CCNJ: variants seen among roughly 807,000 people sequenced by gnomAD.
CCNJ encodes the protein cyclin J.
In CCNJ, 12 loss-of-function variants were observed where a neutral mutation model predicts 41.4. The ratio of observed to expected loss-of-function variants is 0.29; its 90% CI spans 0.19 to 0.47. CCNJ has a LOEUF of 0.47. CCNJ is among the 20% of genes least tolerant of loss of function. The pLI, the probability that CCNJ is intolerant of heterozygous loss-of-function variation, is 1.00. For synonymous variants in CCNJ, 161 were observed against 173.4 expected (o/e 0.93, Z 0.56); for missense variants, 340 against 464.6 (o/e 0.73, Z 2.47).
At chr10:96,057,765 T>G in intron 5 of CCNJ, 65 bp from the exon 6 acceptor site, 1 of 1,492,012 alleles carries the variant, frequency 6.7e-7, no homozygotes, top group Non-Finnish European at 9.2e-7. Context: ...GGATGGGGCA[T>G]GATTTTCTTG....
intron 3 of CCNJ, among the ~76,000 whole-genome samples, chr10:96,053,732 G>A (rs964369225): frequency 6.6e-6 from 1 of 152,148 alleles, no homozygotes; most frequent in South Asian, 2.1e-4. Flanking sequence ...ACAAGTGCTT[G>A]TTTCCCCTTG....
intron 2 of CCNJ, among the ~76,000 whole-genome samples, chr10:96,046,546 C>T (rs1043583813): frequency 6.6e-6 from 1 of 152,196 alleles, no homozygotes; most frequent in Non-Finnish European, 1.5e-5. Context: ...AGAGCAATAA[C>T]AGTGAACGAG....
At chr10:96,053,346 T>G (rs1395195000) in intron 3 of CCNJ, among the ~76,000 whole-genome samples, 1 of 152,192 alleles carries the variant, frequency 6.6e-6, no homozygotes, top group Non-Finnish European at 1.5e-5. Context: ...ACAAAGTTGT[T>G]CTGGGATCAA....
intron 1 of CCNJ, among the ~76,000 whole-genome samples, 188 bp from the exon 2 acceptor site, chr10:96,044,165 T>C (rs1242937360): frequency 6.6e-6 from 1 of 152,234 alleles, no homozygotes; most frequent in Non-Finnish European, 1.5e-5. Flanking sequence ...CCTTCGGCTC[T>C]TCCTGCGGGG....
At chr10:96,049,473 T>C (rs2080458808) in intron 2 of CCNJ, among the ~76,000 whole-genome samples, 1 of 130,614 alleles carries the variant, frequency 7.7e-6, no homozygotes, top group Non-Finnish European at 1.6e-5. Flanking sequence ...TCTTTTCTTT[T>C]TCTTTTTCTT....
At chr10:96,051,994 C>T (rs2080538952) in intron 3 of CCNJ, among the ~76,000 whole-genome samples, 1 of 152,148 alleles carries the variant, frequency 6.6e-6, no homozygotes, top group African/African-American at 2.4e-5. Flanking sequence ...TCCCCATGTA[C>T]GTTGAGCAAA....
intron 3 of CCNJ, 98 bp from the exon 4 acceptor site, chr10:96,056,603 T>C: frequency 1.2e-6 from 1 of 855,914 alleles, no homozygotes; most frequent in Non-Finnish European, 1.8e-6. Flanking sequence ...TGGATCTAAA[T>C]CCTGGCAATA....
At position 96,058,937 on chromosome 10, in the gene CCNJ, G is replaced by A; in HGVS notation, c.*696G>A. On this transcript the variant is annotated 3_prime_UTR_variant, in exon 6 of 6. Coordinates refer to ENST00000465148, the MANE Select transcript of CCNJ (RefSeq NM_001134375.2). ...CTAAGTGATCAACATCAAATTTTTA[G>A]AATTAAAATACATTTAACTCAGGGA... 1 of 154,204 alleles carries A rather than the reference G, an allele frequency of 6.5e-6. No individual in the cohort carries two copies. 9.6% of individuals were successfully genotyped at this position (154,204 alleles called of 1,614,324 possible).
rs2080303957 is a variant in CCNJ at position 96,044,458 on chromosome 10, A to G, written c.65A>G (p.Tyr22Cys). 3 of 1,552,438 alleles carry G rather than the reference A, an allele frequency of 1.9e-6. No individual in the cohort carries two copies. Among genetic ancestry groups the G allele is most frequent in the East Asian group, 2.4e-5 (1 of 41,000 alleles). The change falls in exon 2 of 6, where the codon TAC becomes TGC. Residue 22 changes from tyrosine to cysteine, a missense_variant. By Grantham distance (194) the Tyr-to-Cys change is radical. This residue lies in a region of CCNJ where 44 missense variants were observed against 43.6 expected (regional missense o/e 1.01). Transcript: ENST00000465148. The part of the protein sequence containing the change: ...LAADIHQALR[Y>C]KELKLPSYKG... The stretch of plus-strand genomic sequence containing the variant: ...GCCGATATTCACCAAGCGCTTCGCT[A>G]CAAGGTAACTCCGAGGCCCGGCCTG...
rs2080710368 is a variant in CCNJ at position 96,056,897 on chromosome 10, A to G, written c.477A>G (p.Val159=). Residue 159 remains valine (V), a synonymous_variant, in exon 4 of 6, where the codon GTA becomes GTG. Coordinates refer to ENST00000465148, the MANE Select transcript of CCNJ (RefSeq NM_001134375.2). ...HFIEYYLSEA[V]HETDLHDGWP... ...TTGAGTATTATCTCTCTGAAGCAGT[A>G]CACGAAACAGATCTTCATGACGGCT... The G allele has an allele frequency of 6.2e-7, 1 of 1,614,194 alleles. No homozygotes were observed.
chr10:96,045,699 G>T (rs1311798791), intron 2 of CCNJ, among the ~76,000 whole-genome samples: 9 of 150,960 alleles, frequency 6.0e-5, no homozygotes, highest in African/African-American at 2.2e-4. Flanking sequence ...TTTTTTGGCA[G>T]ATGTCATCTT....
At position 96,060,858 on chromosome 10, in the gene CCNJ, G is replaced by C. The variant is rs1386335738; in HGVS notation, c.*2617G>C. The C allele has an allele frequency of 6.6e-6, 1 of 152,444 alleles. No homozygotes were observed. Among genetic ancestry groups the C allele is most frequent in the East Asian group, 1.9e-4 (1 of 5,200 alleles). The allele number at this position is 152,444 out of a possible 1,614,324, so 9.4% of individuals were successfully genotyped here. A position where few individuals can be genotyped will look rare whatever the true frequency, so the allele number is the denominator to read the frequency against. ...TGCACTTAATTTTAAAATAAAACTA[G>C]TTTTCAGTAAAATGGCTTCGGTATT... is the stretch of plus-strand genomic sequence containing the variant. On this transcript the variant is annotated 3_prime_UTR_variant, in exon 6 of 6. Transcript: ENST00000465148.
chr10:96,058,917 T>C lies in CCNJ; in HGVS notation c.*676T>C, dbSNP rs1168111980. The C allele has an allele frequency of 6.4e-6, 1 of 156,908 alleles. No homozygotes were observed. The highest frequency in any genetic ancestry group is 6.5e-5 in the Admixed American group (1 of 15,400). The allele number at this position is 156,908 out of a possible 1,614,324, so 9.7% of individuals were successfully genotyped here. The stretch of plus-strand genomic sequence containing the variant: ...CATAATTTTTCTTTTTTTCCCTAAG[T>C]GATCAACATCAAATTTTTAGAATTA... On this transcript the variant is annotated 3_prime_UTR_variant, in exon 6 of 6. Coordinates refer to ENST00000465148, the MANE Select transcript of CCNJ (RefSeq NM_001134375.2).
At chr10:96,050,940 G>A (rs2080503971) in intron 3 of CCNJ, among the ~76,000 whole-genome samples, 1 of 152,184 alleles carries the variant, frequency 6.6e-6, no homozygotes, top group Non-Finnish European at 1.5e-5. Flanking sequence ...AGAGGCCTGG[G>A]ATGCTGCTAA....
rs1163128122 is a variant in CCNJ, at chr10:96,059,944, A to AG, written c.*1706dup. 1.3e-5 allele frequency: 2 copies of AG among 152,654 alleles called. No homozygotes were observed. The highest frequency in any genetic ancestry group is 4.8e-5 in the African/African-American group (2 of 41,450). 9.5% of individuals were successfully genotyped at this position (152,654 alleles called of 1,614,324 possible). A position where few individuals can be genotyped will look rare whatever the true frequency, so the allele number is the denominator to read the frequency against. The stretch of plus-strand genomic sequence containing the variant: ...AATAACTTTTATATTTAGAGTACAT[A>AG]GGGCATGATGTGGATTTATTAGTCT... On this transcript the variant is annotated 3_prime_UTR_variant, in exon 6 of 6. Transcript: ENST00000465148.
intron 5 of CCNJ, 149 bp from the exon 6 acceptor site, chr10:96,057,681 G>T (rs775430247): frequency 1.5e-6 from 1 of 668,352 alleles, no homozygotes; most frequent in Non-Finnish European, 2.6e-6. Flanking sequence ...CACAAGCGAG[G>T]TCTCACTGTT....
Position 96,050,407 on chromosome 10 carries a change from G to C in CCNJ, c.221G>C (p.Arg74Pro). Residue 74 changes from arginine (R) to proline (P), a missense_variant, in exon 3 of 6, where the codon CGC becomes CCC. Transcript: ENST00000465148. ...TATTTACTGGACCTGTTTATGGACCGCTATGACATCTCTATCCAGCAGCTG... is the reference window on the plus strand; with the variant it reads ...TATTTACTGGACCTGTTTATGGACCCCTATGACATCTCTATCCAGCAGCTG... ...AVYLLDLFMD[R>P]YDISIQQLHL... 1 of 1,614,046 alleles carries C rather than the reference G, an allele frequency of 6.2e-7. No individual in the cohort carries two copies. Among genetic ancestry groups the C allele is most frequent in the Non-Finnish European group, 8.5e-7 (1 of 1,179,988 alleles).
chr10:96,057,043 A>T, intron 4 of CCNJ, 43 bp downstream of exon 4: 1 of 1,612,460 alleles, frequency 6.2e-7, no homozygotes, highest in Middle Eastern at 1.7e-4. Context: ...TGCACTTGTG[A>T]CTCGTGTATT....
intron 3 of CCNJ, among the ~76,000 whole-genome samples, chr10:96,053,076 G>T (rs2080573958): frequency 6.6e-6 from 1 of 152,192 alleles, no homozygotes; most frequent in African/African-American, 2.4e-5. Flanking sequence ...AATTTGTGGA[G>T]TTCATTGTAA....
Sources: gnomAD v4.1 joint callset for allele counts (sites outside exome capture counted in the v4.1 genomes callset) on GRCh38, gnomAD v4.1.1 for gene constraint, gnomAD v4.1.1 regional missense constraint, MANE v1.5 for transcripts, NCBI Gene and HGNC (gene_info 2026-07-23, HGNC 2026-07-21) for gene names.